SCAPER: variants seen among roughly 807,000 people sequenced by gnomAD.
The protein encoded by SCAPER is S phase cyclin A-associated protein in the endoplasmic reticulum.
Under a neutral mutation model 182.2 loss-of-function variants are expected in SCAPER, and 98 were observed. The observed-to-expected ratio is 0.54, with a 90% CI of 0.46 to 0.64. The LOEUF (loss-of-function observed/expected upper bound fraction) is 0.64, where lower values mean the gene tolerates loss of function less well. Ranked by LOEUF, SCAPER falls within the 30% of genes least tolerant of loss-of-function variation. The pLI is 0.00. For missense variants in SCAPER, 1,432 were observed against 1,690.0 expected, an observed-to-expected ratio of 0.85 and a Z score of 2.68; for synonymous variants, 605 against 564.6, an observed-to-expected ratio of 1.07 and a Z score of -1.01.
At chr15:76,825,776 G>C (rs12910293) in intron 5 of SCAPER, among the ~76,000 whole-genome samples, 1 of 151,876 alleles carries the variant, frequency 6.6e-6, no homozygotes, top group East Asian at 1.9e-4. Context: ...ACAGAGTCTC[G>C]CTCTGTTGCC....
chr15:76,800,448 G>A, intron 6 of SCAPER, 84 bp from the exon 7 acceptor site: 1 of 849,338 alleles, frequency 1.2e-6, no homozygotes, highest in Non-Finnish European at 1.9e-6. Context: ...GTTAGTGGCT[G>A]AAAAAATAAT....
At chr15:76,789,450 T>G (rs1411621975) in intron 8 of SCAPER, among the ~76,000 whole-genome samples, 1 of 152,180 alleles carries the variant, frequency 6.6e-6, no homozygotes, top group African/African-American at 2.4e-5. Flanking sequence ...CTGCTTAAAA[T>G]TGGACCTAAT....
intron 23 of SCAPER, among the ~76,000 whole-genome samples, chr15:76,528,910 T>G (rs867708835): frequency 4.1e-4 from 63 of 152,340 alleles, no homozygotes; most frequent in African/African-American, 1.4e-3. Context: ...CTTCTGTGCT[T>G]CTCTGGGTCT....
intron 29 of SCAPER, among the ~76,000 whole-genome samples, chr15:76,357,838 T>C (rs1489617907): frequency 6.6e-6 from 1 of 152,176 alleles, no homozygotes; most frequent in Admixed American, 6.5e-5. Flanking sequence ...AAGTGAAATA[T>C]TCAGAAAGTC....
intron 29 of SCAPER, among the ~76,000 whole-genome samples, chr15:76,369,154 A>C (rs1261464231): frequency 6.6e-6 from 1 of 152,206 alleles, no homozygotes; most frequent in African/African-American, 2.4e-5. Flanking sequence ...GTGGCAAATA[A>C]AAAGTGCCAA....
chr15:76,733,422 T>A, intron 15 of SCAPER, 38 bp from the exon 16 acceptor site: 1 of 1,598,300 alleles, frequency 6.3e-7, no homozygotes, highest in South Asian at 1.1e-5. Flanking sequence ...CAGATCAAGT[T>A]AATTCTAGGG....
chr15:76,839,035 G>A lies in SCAPER; in HGVS notation c.393+2699C>T, dbSNP rs182140389. 1.1e-4 allele frequency among the ~76,000 whole-genome samples: 16 copies of A among 152,278 alleles called. 1 individual carries two copies. The East Asian group carries it at 1.3e-3, about 13-fold the overall frequency. On this transcript the variant is annotated intron_variant, in intron 5 of 31. Transcript: ENST00000563290. The stretch of plus-strand genomic sequence containing the variant: ...GTGATGCTTAGAGTTTTGCTGGAAC[G>A]TCAGTTCTTAGCAATTTATGTAGTA...
chr15:76,645,533 T>G (rs192110246), intron 21 of SCAPER, among the ~76,000 whole-genome samples: 8 of 152,162 alleles, frequency 5.3e-5, no homozygotes, highest in Admixed American at 6.5e-5. Flanking sequence ...AGCCTTTTTT[T>G]TTTTTGGTTT....
intron 26 of SCAPER, among the ~76,000 whole-genome samples, chr15:76,420,256 T>TA (rs1555429310): frequency 6.4e-5 from 9 of 140,636 alleles, no homozygotes; most frequent in South Asian, 4.4e-4. Context: ...TTTTTTTTTT[T>TA]ATAGAGATGG....
chr15:76,615,819 C>CAAAA (rs61031189), intron 22 of SCAPER, among the ~76,000 whole-genome samples: 1 of 82,396 alleles, frequency 1.2e-5, no homozygotes, highest in African/African-American at 3.9e-5. Context: ...GATTCCATCT[C>CAAAA]AAAAAAAAAA....
At chr15:76,543,956 T>C (rs930804436) in intron 23 of SCAPER, among the ~76,000 whole-genome samples, 2 of 152,126 alleles carry the variant, frequency 1.3e-5, no homozygotes, top group Non-Finnish European at 2.9e-5. Context: ...GACTTATATA[T>C]CCAGAACACA....
chr15:76,776,580 G>A (rs1384594371), intron 8 of SCAPER, among the ~76,000 whole-genome samples: 3 of 152,130 alleles, frequency 2.0e-5, no homozygotes, highest in African/African-American at 7.2e-5. Flanking sequence ...AGTAGTGGGG[G>A]GCAGATTTGT....
intron 4 of SCAPER, among the ~76,000 whole-genome samples, chr15:76,855,655 A>C (rs2151853151): frequency 6.6e-6 from 1 of 152,296 alleles, no homozygotes; most frequent in African/African-American, 2.4e-5. Context: ...GCAGCCGATA[A>C]GCATATGAAA....
intron 1 of SCAPER, among the ~76,000 whole-genome samples, chr15:76,899,243 C>T (rs2074613015): frequency 1.3e-5 from 2 of 152,224 alleles, no homozygotes; most frequent in Admixed American, 1.3e-4. Context: ...CAGCTAGCTG[C>T]AACCTCCCTG....
intron 22 of SCAPER, among the ~76,000 whole-genome samples, chr15:76,579,299 C>G (rs890416005): frequency 5.5e-4 from 71 of 129,092 alleles, no homozygotes; most frequent in African/African-American, 1.9e-3. Context: ...ATAGTAACTA[C>G]AACAACAATG....
intron 27 of SCAPER, among the ~76,000 whole-genome samples, chr15:76,387,236 C>T (rs1389733534): frequency 1.3e-5 from 2 of 152,054 alleles, no homozygotes; most frequent in Non-Finnish European, 2.9e-5. Flanking sequence ...AAGTGAAGAG[C>T]GCATGTCTCA....
At chr15:76,855,277 A>C (rs949485981) in intron 4 of SCAPER, among the ~76,000 whole-genome samples, 1 of 152,164 alleles carries the variant, frequency 6.6e-6, no homozygotes, top group Non-Finnish European at 1.5e-5. Context: ...AAATCAACTC[A>C]AGATGGATTA....
At chr15:76,832,837 C>G (rs1026207830) in intron 5 of SCAPER, among the ~76,000 whole-genome samples, 3 of 152,160 alleles carry the variant, frequency 2.0e-5, no homozygotes, top group African/African-American at 7.2e-5. Context: ...CTCCCTGAGG[C>G]CTCCCCAGAA....
intron 29 of SCAPER, among the ~76,000 whole-genome samples, chr15:76,365,239 A>T (rs1305367422): frequency 6.6e-6 from 1 of 152,178 alleles, no homozygotes; most frequent in Non-Finnish European, 1.5e-5. Flanking sequence ...ACATGGTTTG[A>T]CACAGTGTGG....
Sources: allele counts gnomAD v4.1 joint callset (sites outside exome capture counted in the v4.1 genomes callset), GRCh38; gene constraint gnomAD v4.1.1; transcripts MANE v1.5; gene names NCBI Gene and HGNC (gene_info 2026-07-23, HGNC 2026-07-21).